The following CLEC12A variants were observed in gnomAD, a reference collection of about 807,000 sequenced individuals.
The protein encoded by CLEC12A is C-type lectin domain family 12 member A, also known as C-type lectin protein CLL-1.
CLEC12A carries 22 observed loss-of-function variants against 26.5 expected under a neutral mutation model. The observed-to-expected ratio is 0.83, with a 90% CI of 0.59 to 1.19. CLEC12A has a LOEUF of 1.19. CLEC12A is among the 50% of genes most tolerant of loss of function. The pLI, the probability that CLEC12A is intolerant of heterozygous loss-of-function variation, is 0.00. For synonymous variants in CLEC12A, 119 were observed against 101.9 expected, an observed-to-expected ratio of 1.17 and a Z score of -1.01; for missense variants, 353 against 315.6, an observed-to-expected ratio of 1.12 and a Z score of -0.90.
At chr12:9,962,008 A>G (rs1350434578) in intron 1 of CLEC12A, among the ~76,000 whole-genome samples, 3 of 152,204 alleles carry the variant, frequency 2.0e-5, no homozygotes, top group African/African-American at 7.2e-5. Context: ...GGAAATGGAT[A>G]TGGAGTTGTT....
chr12:9,975,262 G>A (rs1322800376), intron 1 of CLEC12A, among the ~76,000 whole-genome samples: 2 of 152,196 alleles, frequency 1.3e-5, no homozygotes, highest in African/African-American at 2.4e-5. Flanking sequence ...ACAGGCAGAG[G>A]TTGGAATACT....
downstream of CLEC12A, chr12:9,996,598 C>A: frequency 3.9e-6 from 2 of 508,168 alleles, no homozygotes; most frequent in Non-Finnish European, 7.0e-6. Flanking sequence ...TCATGTGTGA[C>A]CCACTATGTA....
At chr12:9,958,255 G>A (rs143240950) in intron 1 of CLEC12A, among the ~76,000 whole-genome samples, 53 of 152,302 alleles carry the variant, frequency 3.5e-4, no homozygotes, top group African/African-American at 1.2e-3. Context: ...TGGAAGATCC[G>A]GTTGATACAG....
At chr12:9,968,136 G>C (rs563252804), upstream of CLEC12A, among the ~76,000 whole-genome samples, 1 of 152,320 alleles carries the variant, frequency 6.6e-6, no homozygotes, top group East Asian at 1.9e-4. Flanking sequence ...TTTAAAATTG[G>C]TGAGATGTTC....
chr12:9,966,442 G>A (rs1239157842), upstream of CLEC12A, among the ~76,000 whole-genome samples: 2 of 152,146 alleles, frequency 1.3e-5, no homozygotes, highest in Non-Finnish European at 2.9e-5. Context: ...GATTTCCAGT[G>A]GGGTCTTGCA....
Position 9,984,878 on chromosome 12 carries a change from G to A in CLEC12A, c.650G>A (p.Arg217Lys). Residue 217 changes from arginine to lysine, a missense_variant, in exon 6 of 6, where the codon AGA becomes AAA. Physicochemically the swap from Arg to Lys is conservative, Grantham distance 26. Coordinates refer to ENST00000304361, the MANE Select transcript of CLEC12A (RefSeq NM_138337.6). ...TTTACTTTCTCTTTCAGGGTTATAA[G>A]AAACGCACCTGACTTAAATAACATG... is the stretch of plus-strand genomic sequence containing the variant. ...NIINSSAWVI[R>K]NAPDLNNMYC... 6.6e-7 allele frequency: 1 copy of A among 1,510,846 alleles called. No homozygotes were observed. The highest frequency in any genetic ancestry group is 8.9e-7 in the Non-Finnish European group (1 of 1,127,930). 93.6% of individuals were successfully genotyped at this position (1,510,846 alleles called of 1,614,324 possible).
Position 9,985,058 on chromosome 12 carries a change from G to T in CLEC12A, c.*32G>T. The T allele has an allele frequency of 1.4e-6, 2 of 1,410,578 alleles. No individual in the cohort carries two copies. The highest frequency in any genetic ancestry group is 1.8e-6 in the Non-Finnish European group (2 of 1,083,306). 87.4% of individuals were successfully genotyped at this position (1,410,578 alleles called of 1,614,324 possible). A position where few individuals can be genotyped will look rare whatever the true frequency, so the allele number is the denominator to read the frequency against. ...AATCAAATACATTTAAGGAGTGTAG[G>T]GGGTGGGGGTTCTAGGCTATAGGTA... On this transcript the variant is annotated 3_prime_UTR_variant, in exon 6 of 6. Transcript: ENST00000304361.
chr12:9,982,410 T>C (rs56879364), intron 5 of CLEC12A, among the ~76,000 whole-genome samples: 4,397 of 152,154 alleles, frequency 0.029, 212 homozygotes, highest in African/African-American at 0.099. Flanking sequence ...AGAAAAGTCA[T>C]TGGACTAACA....
In CLEC12A at chr12:9,959,452, C is replaced by CAA. The variant is rs57106602; in HGVS notation, c.10+8110_10+8111dup. ...GGGAGAGAAGAGCGAAACTCTGTCTCAAAAAAAAAAAAAAAGAAGAAAGAA... is the reference window on the plus strand; with the variant it reads ...GGGAGAGAAGAGCGAAACTCTGTCTCAAAAAAAAAAAAAAAAAGAAGAAAGAA... On this transcript the variant is annotated intron_variant, in intron 1 of 6. Transcript: ENST00000355690. Among the ~76,000 whole-genome samples the CAA allele has an allele frequency of 9.4e-3, 1,327 of 140,758 alleles. 22 individuals carry two copies. Among genetic ancestry groups the CAA allele is most frequent in the African/African-American group, 0.026 (983 of 38,310 alleles). The allele number at this position is 140,758 out of a possible 152,430, so 92.3% of individuals were successfully genotyped here. A position where few individuals can be genotyped will look rare whatever the true frequency, so the allele number is the denominator to read the frequency against.
intron 1 of CLEC12A, among the ~76,000 whole-genome samples, chr12:9,974,568 A>G (rs1451441666): frequency 6.6e-6 from 1 of 152,204 alleles, no homozygotes; most frequent in Non-Finnish European, 1.5e-5. Flanking sequence ...CTCTCCAGAC[A>G]GCCTCATCTC....
rs1565564604 is a variant in CLEC12A, at chr12:9,985,028, GC to G, written c.*3del. Reference sequence around the variant, plus strand: ...TCTACATATTTTAGGGAGGCATGAGGCATCAATCAAATACATTTAAGGAGTG... The same window carrying G: ...TCTACATATTTTAGGGAGGCATGAGGATCAATCAAATACATTTAAGGAGTG... On this transcript the variant is annotated 3_prime_UTR_variant, in exon 6 of 6. Coordinates refer to ENST00000304361, the MANE Select transcript of CLEC12A (RefSeq NM_138337.6). 6.6e-7 allele frequency: 1 copy of G among 1,508,856 alleles called. No individual in the cohort carries two copies. The highest frequency in any genetic ancestry group is 2.6e-5 in the East Asian group (1 of 39,136). The allele number at this position is 1,508,856 out of a possible 1,614,324, so 93.5% of individuals were successfully genotyped here. A position where few individuals can be genotyped will look rare whatever the true frequency, so the allele number is the denominator to read the frequency against.
chr12:9,971,802 T>C, intron 1 of CLEC12A, 115 bp downstream of exon 1: 2 of 865,552 alleles, frequency 2.3e-6, no homozygotes, highest in Non-Finnish European at 3.3e-6. Flanking sequence ...CAATTAAGTC[T>C]CTTATGTTTA....
At chr12:9,997,949 A>T (rs1865091617), downstream of CLEC12A, among the ~76,000 whole-genome samples, 1 of 143,038 alleles carries the variant, frequency 7.0e-6, no homozygotes, top group Non-Finnish European at 1.5e-5. Context: ...AAATTGAAAA[A>T]CTCCAGTTTG....
At chr12:9,957,490 CAAAAAAAAA>C (rs58810746) in intron 1 of CLEC12A, among the ~76,000 whole-genome samples, 1 of 124,982 alleles carries the variant, frequency 8.0e-6, no homozygotes, top group Non-Finnish European at 1.7e-5. Context: ...GACTTCATCT[CAAAAAAAAA>C]AAAAACAAAA....
At chr12:9,987,804 T>A (rs1369943469), downstream of CLEC12A, among the ~76,000 whole-genome samples, 2 of 152,066 alleles carry the variant, frequency 1.3e-5, no homozygotes, top group African/African-American at 2.4e-5. Context: ...TCTTTCTTTC[T>A]TTTATTTATT....
chr12:10,001,901 A>G, the CLEC12A span, among the ~76,000 whole-genome samples: 1 of 134,212 alleles, frequency 7.5e-6, no homozygotes. Context: ...TTTTTTTGAG[A>G]CTGAGTCTTG....
chr12:9,965,653 T>C (rs906346878), intron 1 of CLEC12A, among the ~76,000 whole-genome samples: 1 of 152,014 alleles, frequency 6.6e-6, no homozygotes, highest in Non-Finnish European at 1.5e-5. Context: ...AACAATTTGG[T>C]TGATAAGGCA....
At chr12:9,977,836 A>C (rs761987524) in intron 1 of CLEC12A, among the ~76,000 whole-genome samples, 1 of 152,210 alleles carries the variant, frequency 6.6e-6, no homozygotes, top group Non-Finnish European at 1.5e-5. Flanking sequence ...TAATAAATAC[A>C]AGGCACTCAA....
At chr12:9,952,438 A>T (rs926268400) in intron 1 of CLEC12A, 4 of 154,570 alleles carry the variant, frequency 2.6e-5, no homozygotes, top group Admixed American at 2.0e-4. Context: ...TGGCCTCCCG[A>T]GGTGCCGGGA....
Sources: gnomAD v4.1 joint callset for allele counts (sites outside exome capture counted in the v4.1 genomes callset) on GRCh38, gnomAD v4.1.1 for gene constraint, MANE v1.5 for transcripts, NCBI Gene and HGNC (gene_info 2026-07-23, HGNC 2026-07-21) for gene names.